The following SSBP2 variants were observed in gnomAD, a reference collection of about 807,000 sequenced individuals.
The protein encoded by SSBP2 is single stranded DNA binding protein 2.
Under a neutral mutation model 61.8 loss-of-function variants are expected in SSBP2, and 17 were observed. The observed-to-expected ratio is 0.28, with a 90% CI of 0.19 to 0.41. The LOEUF (loss-of-function observed/expected upper bound fraction) is 0.41, where lower values mean the gene tolerates loss of function less well. Among genes scored for constraint, SSBP2 ranks in the 10% least tolerant of loss-of-function variants. SSBP2 has a pLI of 1.00. For missense variants in SSBP2, 310 were observed against 458.7 expected (o/e 0.68, Z 2.96); for synonymous variants, 139 against 141.3 (o/e 0.98, Z 0.12).
intron 5 of SSBP2, among the ~76,000 whole-genome samples, chr5:81,501,266 T>TATATATATAC (rs1561475358): frequency 5.4e-5 from 2 of 36,960 alleles, no homozygotes; most frequent in Non-Finnish European, 9.9e-5. Flanking sequence ...TATATATATA[T>TATATATATAC]ATACACACAC....
chr5:81,734,573 C>A (rs1471082822), intron 1 of SSBP2, among the ~76,000 whole-genome samples: 1 of 152,208 alleles, frequency 6.6e-6, no homozygotes, highest in Non-Finnish European at 1.5e-5. Context: ...CCAGTGCAAT[C>A]ATTGTCTCTC....
chr5:81,713,768 GCAAACAAA>G (rs1014334311), intron 1 of SSBP2, among the ~76,000 whole-genome samples: 10 of 151,802 alleles, frequency 6.6e-5, no homozygotes, highest in African/African-American at 2.4e-4. Flanking sequence ...ACCAAAGCAA[GCAAACAAA>G]CAAACAAACA....
chr5:81,448,866 G>A (rs1272527858), intron 10 of SSBP2, 41 bp from the exon 11 acceptor site: 2 of 1,483,596 alleles, frequency 1.3e-6, no homozygotes, highest in Admixed American at 1.7e-5. Context: ...GATTCATGTA[G>A]CAATATGGAC....
intron 6 of SSBP2, among the ~76,000 whole-genome samples, chr5:81,484,331 A>G (rs1766226705): frequency 6.6e-6 from 1 of 152,152 alleles, no homozygotes; most frequent in African/African-American, 2.4e-5. Context: ...TTGTATCAAA[A>G]ACCTTCATAA....
At chr5:81,580,942 G>A (rs1054498778) in intron 4 of SSBP2, among the ~76,000 whole-genome samples, 30 of 152,082 alleles carry the variant, frequency 2.0e-4, no homozygotes, top group African/African-American at 7.0e-4. Flanking sequence ...TTTAGACCAC[G>A]AAAAATCTCA....
intron 1 of SSBP2, among the ~76,000 whole-genome samples, chr5:81,705,608 T>C (rs904455299): frequency 7.9e-5 from 12 of 152,172 alleles, no homozygotes; most frequent in African/African-American, 2.9e-4. Context: ...TGTAAAAAAC[T>C]AATTATTTTA....
chr5:81,650,660 G>A (rs1749647244), intron 1 of SSBP2, among the ~76,000 whole-genome samples: 1 of 151,888 alleles, frequency 6.6e-6, no homozygotes, highest in Non-Finnish European at 1.5e-5. Flanking sequence ...AATCCCATTT[G>A]AAGACATAAT....
intron 3 of SSBP2, 177 bp downstream of exon 3, chr5:81,636,380 A>G (rs1748232042): frequency 4.3e-6 from 2 of 468,928 alleles, no homozygotes; most frequent in Non-Finnish European, 3.9e-6. Flanking sequence ...CAATAGTAGT[A>G]TATTTAAGTT....
chr5:81,526,415 T>C (rs1769941958), intron 4 of SSBP2, among the ~76,000 whole-genome samples: 2 of 152,054 alleles, frequency 1.3e-5, no homozygotes, highest in African/African-American at 2.4e-5. Context: ...GCACATTCTT[T>C]TGGATATTCT....
chr5:81,677,198 T>C (rs1752049115), intron 1 of SSBP2, among the ~76,000 whole-genome samples: 1 of 152,178 alleles, frequency 6.6e-6, no homozygotes, highest in African/African-American at 2.4e-5. Flanking sequence ...AAGTTGCCTA[T>C]TGGACATCCA....
chr5:81,459,816 T>C (rs984704120), intron 10 of SSBP2, among the ~76,000 whole-genome samples: 10 of 152,182 alleles, frequency 6.6e-5, no homozygotes, highest in African/African-American at 9.7e-5. Context: ...TTGTAAAGCA[T>C]GTAAGCAAAT....
At position 81,417,544 on chromosome 5, in the gene SSBP2, A is replaced by C. The variant is rs1248867165; in HGVS notation, c.*2960T>G. 1 of 152,242 alleles carries C rather than the reference A, an allele frequency of 6.6e-6. No individual in the cohort carries two copies. The highest frequency in any genetic ancestry group is 2.1e-4 in the South Asian group (1 of 4,832). The allele number at this position is 152,242 out of a possible 1,614,324, so 9.4% of individuals were successfully genotyped here. A position where few individuals can be genotyped will look rare whatever the true frequency, so the allele number is the denominator to read the frequency against. On this transcript the variant is annotated 3_prime_UTR_variant, in exon 17 of 17. Transcript: ENST00000320672. ...GACGTGTAAAAATAACACTAGGAAC[A>C]GGTAGTATACATCAAGACCAACACG...
At chr5:81,534,965 G>GCA (rs982216745) in intron 4 of SSBP2, among the ~76,000 whole-genome samples, 2 of 150,642 alleles carry the variant, frequency 1.3e-5, no homozygotes, top group African/African-American at 2.4e-5. Flanking sequence ...CAGAGATAAC[G>GCA]CACACACACA....
chr5:81,559,962 G>T (rs920978297), intron 4 of SSBP2, among the ~76,000 whole-genome samples: 17 of 152,056 alleles, frequency 1.1e-4, no homozygotes, highest in Non-Finnish European at 2.1e-4. Context: ...AAACTATACT[G>T]AGTAAATACA....
chr5:81,668,248 TAAAAAAAAAAAA>T (rs11332987), intron 1 of SSBP2, among the ~76,000 whole-genome samples: 1 of 94,908 alleles, frequency 1.1e-5, no homozygotes, highest in African/African-American at 4.1e-5. Flanking sequence ...TATGGAAGTT[TAAAAAAAAAAAA>T]AAAAAAAAAA....
At chr5:81,622,226 AAACATACAG>A (rs1230636970) in intron 3 of SSBP2, among the ~76,000 whole-genome samples, 1 of 152,156 alleles carries the variant, frequency 6.6e-6, no homozygotes, top group Non-Finnish European at 1.5e-5. Context: ...GCTCCTTACA[AAACATACAG>A]CTCTGGTCAT....
chr5:81,586,901 T>C (rs1380998732), intron 4 of SSBP2, among the ~76,000 whole-genome samples: 2 of 151,988 alleles, frequency 1.3e-5, no homozygotes, highest in South Asian at 2.1e-4. Flanking sequence ...AGTAAAAATC[T>C]TGGGCGCTCA....
At chr5:81,741,176 T>G (rs1431157236) in intron 1 of SSBP2, among the ~76,000 whole-genome samples, 1 of 152,250 alleles carries the variant, frequency 6.6e-6, no homozygotes, top group African/African-American at 2.4e-5. Flanking sequence ...ATGGGGATTA[T>G]ATCTACTTTA....
intron 3 of SSBP2, among the ~76,000 whole-genome samples, chr5:81,616,841 G>C (rs1002492304): frequency 1.3e-4 from 20 of 152,256 alleles, no homozygotes; most frequent in South Asian, 6.2e-4. Context: ...AGCAGGGGCA[G>C]ACTGACACCT....
Sources: gnomAD v4.1 joint callset for allele counts (sites outside exome capture counted in the v4.1 genomes callset) on GRCh38, gnomAD v4.1.1 for gene constraint, MANE v1.5 for transcripts, NCBI Gene and HGNC (gene_info 2026-07-23, HGNC 2026-07-21) for gene names.